Variants in DNER observed in about 807,000 individuals in gnomAD.
DNER encodes the protein delta and Notch-like epidermal growth factor-related receptor.
A neutral mutation model predicts 78.2 loss-of-function variants in DNER; 33 were observed. That is an observed-to-expected ratio of 0.42 (90% CI 0.32 to 0.56). DNER has a LOEUF of 0.56. DNER is among the 20% of genes least tolerant of loss of function. The probability of loss-of-function intolerance (pLI) is 0.11; values close to 1 mark genes in which losing one functional copy is unlikely to be tolerated. For synonymous variants in DNER, 417 were observed against 384.8 expected (o/e 1.08, Z -0.98); for missense variants, 918 against 975.3 (o/e 0.94, Z 0.78).
At chr2:229,554,018 G>A (rs566969415) in intron 4 of DNER, among the ~76,000 whole-genome samples, 25 of 152,098 alleles carry the variant, frequency 1.6e-4, no homozygotes, top group African/African-American at 5.3e-4. Flanking sequence ...TTGTTAAGTA[G>A]GAATAATAAC....
At chr2:229,562,567 T>C (rs1396851632) in intron 4 of DNER, among the ~76,000 whole-genome samples, 1 of 152,166 alleles carries the variant, frequency 6.6e-6, no homozygotes, top group East Asian at 1.9e-4. Context: ...TCCAAATGGA[T>C]GCTTCCTGAT....
chr2:229,698,546 C>T (rs557851398), intron 1 of DNER, among the ~76,000 whole-genome samples: 10 of 152,156 alleles, frequency 6.6e-5, no homozygotes, highest in Admixed American at 2.0e-4. Context: ...TGCATAAAAT[C>T]GACTTGTGAT....
chr2:229,589,818 C>T lies in DNER; in HGVS notation c.586-1330G>A, dbSNP rs1697567543. 2.6e-5 allele frequency among the ~76,000 whole-genome samples: 4 copies of T among 151,844 alleles called. No individual in the cohort carries two copies. The Middle Eastern group carries it at 0.014, about 520-fold the overall frequency. On this transcript the variant is annotated intron_variant, in intron 2 of 12. Transcript: ENST00000341772. The stretch of plus-strand genomic sequence containing the variant: ...ATAACTTCAAAGCATTTATTAAAAG[C>T]CTGAAATCAGAGCAAGTTCACAGTT...
At chr2:229,677,609 T>C (rs1252672836) in intron 1 of DNER, among the ~76,000 whole-genome samples, 1 of 152,106 alleles carries the variant, frequency 6.6e-6, no homozygotes, top group East Asian at 1.9e-4. Context: ...CACCCCAGGG[T>C]GGAAGGGTGA....
intron 1 of DNER, among the ~76,000 whole-genome samples, chr2:229,610,602 G>C (rs568111997): frequency 6.6e-6 from 1 of 151,162 alleles, no homozygotes; most frequent in Non-Finnish European, 1.5e-5. Context: ...TCCAGTCTGC[G>C]GTCCTTTCGT....
intron 4 of DNER, among the ~76,000 whole-genome samples, chr2:229,573,762 C>A (rs1367530187): frequency 1.3e-5 from 2 of 152,134 alleles, no homozygotes; most frequent in East Asian, 1.9e-4. Flanking sequence ...GTCACTAGAA[C>A]TTGGCAATGT....
intron 4 of DNER, among the ~76,000 whole-genome samples, chr2:229,549,349 AG>A (rs1294412852): frequency 6.6e-6 from 1 of 152,222 alleles, no homozygotes; most frequent in Non-Finnish European, 1.5e-5. Flanking sequence ...TCTGTTGCCC[AG>A]GCTGGAGTGC....
At position 229,617,459 on chromosome 2, in the gene DNER, A is replaced by G. The variant is rs553855629; in HGVS notation, c.277-25571T>C. Among the ~76,000 whole-genome samples the G allele has an allele frequency of 2.6e-4, 39 of 152,310 alleles. 1 individual carries two copies. The South Asian group carries it at 8.1e-3, about 32-fold the overall frequency. On this transcript the variant is annotated intron_variant, in intron 1 of 12. Coordinates refer to ENST00000341772, the MANE Select transcript of DNER (RefSeq NM_139072.4). Reference sequence around the variant, plus strand: ...CTTTGCTTAGATACAACTGTTCTCAATAACTTTTAGTCTTCTGAAAAAGGC... The same window carrying G: ...CTTTGCTTAGATACAACTGTTCTCAGTAACTTTTAGTCTTCTGAAAAAGGC...
chr2:229,551,238 G>A (rs1485843231), intron 4 of DNER, among the ~76,000 whole-genome samples: 1 of 152,068 alleles, frequency 6.6e-6, no homozygotes, highest in African/African-American at 2.4e-5. Flanking sequence ...TTATCTTTGG[G>A]GAAAGATATA....
intron 7 of DNER, among the ~76,000 whole-genome samples, chr2:229,451,079 T>G (rs945008890): frequency 1.3e-5 from 2 of 152,184 alleles, no homozygotes. Flanking sequence ...AAAGTCACTG[T>G]GGGTTCTGAA....
At chr2:229,384,308 G>A (rs900113610) in intron 11 of DNER, among the ~76,000 whole-genome samples, 3 of 152,110 alleles carry the variant, frequency 2.0e-5, no homozygotes, top group Non-Finnish European at 2.9e-5. Flanking sequence ...GGAGAAAGTG[G>A]GAAAGATCTA....
At chr2:229,442,274 G>C (rs1694250927) in intron 8 of DNER, among the ~76,000 whole-genome samples, 1 of 152,192 alleles carries the variant, frequency 6.6e-6, no homozygotes, top group African/African-American at 2.4e-5. Flanking sequence ...CCAGCACTTT[G>C]GGAGGCCAAG....
intron 8 of DNER, among the ~76,000 whole-genome samples, chr2:229,441,573 G>T (rs1483646795): frequency 6.6e-6 from 1 of 152,178 alleles, no homozygotes; most frequent in East Asian, 1.9e-4. Context: ...CTTATCTAAA[G>T]AATGGGAAGG....
At chr2:229,414,004 C>T (rs1693588612) in intron 9 of DNER, among the ~76,000 whole-genome samples, 1 of 151,732 alleles carries the variant, frequency 6.6e-6, no homozygotes, top group Admixed American at 6.6e-5. Context: ...AAAATATTTC[C>T]AAAAGGGGGA....
intron 1 of DNER, among the ~76,000 whole-genome samples, chr2:229,699,898 G>A (rs549478839): frequency 1.2e-4 from 19 of 152,130 alleles, no homozygotes; most frequent in African/African-American, 4.6e-4. Flanking sequence ...GCAAAACAAT[G>A]AGCATAAGCG....
chr2:229,388,185 G>T, intron 11 of DNER, 80 bp downstream of exon 11: 2 of 1,507,024 alleles, frequency 1.3e-6, no homozygotes, highest in Admixed American at 4.0e-5. Context: ...GTCACAGTCG[G>T]CATCTTCTTC....
intron 6 of DNER, 115 bp downstream of exon 6, chr2:229,512,668 C>A: frequency 2.1e-6 from 3 of 1,411,522 alleles, no homozygotes; most frequent in Non-Finnish European, 2.9e-6. Flanking sequence ...CCAAAAAGAA[C>A]TTACTCATGT....
chr2:229,437,727 C>A lies in DNER; in HGVS notation c.1486+9589G>T, dbSNP rs187176526. ...TGAAGGAACATGTCATCAAAGCTAT[C>A]TCAAAGTAGAGAACTAAAAACAACA... On this transcript the variant is annotated intron_variant, in intron 8 of 12. Transcript: ENST00000341772. 2.5e-4 allele frequency among the ~76,000 whole-genome samples: 38 copies of A among 152,232 alleles called. No homozygotes were observed. In the East Asian group the frequency reaches 4.0e-3, roughly 16 times the overall value.
At chr2:229,523,091 G>A (rs564537045) in intron 5 of DNER, among the ~76,000 whole-genome samples, 1 of 152,296 alleles carries the variant, frequency 6.6e-6, no homozygotes, top group Admixed American at 6.5e-5. Context: ...GGTGATGAGG[G>A]GAGCATGATG....
Sources: gnomAD v4.1 joint callset for allele counts (sites outside exome capture counted in the v4.1 genomes callset) on GRCh38, gnomAD v4.1.1 for gene constraint, MANE v1.5 for transcripts, NCBI Gene and HGNC (gene_info 2026-07-23, HGNC 2026-07-21) for gene names.